The following PTPRB variants were observed in gnomAD, a reference collection of about 807,000 sequenced individuals.
PTPRB encodes receptor-type tyrosine-protein phosphatase beta.
PTPRB carries 97 observed loss-of-function variants against 238.1 expected under a neutral mutation model. That is an observed-to-expected ratio of 0.41 (90% confidence interval 0.35 to 0.48). PTPRB has a LOEUF of 0.48. Ranked by LOEUF, PTPRB falls within the 20% of genes least tolerant of loss-of-function variation. The pLI is 0.30. For missense variants in PTPRB, 2,292 were observed against 2,681.9 expected, an observed-to-expected ratio of 0.85 and a Z score of 3.21; for synonymous variants, 970 against 995.4, an observed-to-expected ratio of 0.97 and a Z score of 0.48.
At chr12:70,633,025 G>A (rs1260341557) in intron 2 of PTPRB, among the ~76,000 whole-genome samples, 1 of 152,148 alleles carries the variant, frequency 6.6e-6, no homozygotes, top group Non-Finnish European at 1.5e-5. Flanking sequence ...AAACAAATAT[G>A]AAACATGTGG....
In PTPRB at chr12:70,559,572, C is replaced by G. The variant is rs1007818954; in HGVS notation, c.4485G>C (p.Leu1495Phe). 8 of 1,613,068 alleles carry G rather than the reference C, an allele frequency of 5.0e-6. No individual in the cohort carries two copies. The highest frequency in any genetic ancestry group is 1.3e-5 in the African/African-American group (1 of 74,864). The change falls in exon 18 of 34, where the codon TTG becomes TTC. Residue 1495 changes from leucine to phenylalanine, a missense_variant. By Grantham distance (22) the Leu-to-Phe change is conservative. Coordinates refer to ENST00000334414, the MANE Select transcript of PTPRB (RefSeq NM_001109754.4). ...MSFADIANTS[L>F]AITWKGPPDW... is the part of the protein sequence containing the mutation. ...CTGGGGGCCCTTTCCACGTGATGGC[C>G]AAGGATGTGTTTGCAATGTCAGCAA...
At chr12:70,606,705 C>T (rs555790499) in intron 4 of PTPRB, among the ~76,000 whole-genome samples, 1 of 152,302 alleles carries the variant, frequency 6.6e-6, no homozygotes, top group East Asian at 1.9e-4. Context: ...CAGCAATTAA[C>T]ATAGGGGAAT....
chr12:70,538,991 G>C lies in PTPRB; in HGVS notation c.5802C>G (p.Asn1934Lys), dbSNP rs758656184. ...GCAAGAGTGCAATGTCACATGACTG[G>C]TTTCGGCCCACGTCTTTTAACTCCT... ...EYEELKDVGR[N>K]QSCDIALLPE... Residue 1934 changes from asparagine (N) to lysine (K), a missense_variant, in exon 27 of 34, where the codon AAC (asparagine) becomes AAG (lysine). Around this residue, in one of 4 missense-constraint regions of PTPRB, gnomAD observed 397 missense variants for 502.0 expected, o/e 0.79. Coordinates refer to ENST00000334414, the MANE Select transcript of PTPRB (RefSeq NM_001109754.4). 1 of 1,613,758 alleles carries C rather than the reference G, an allele frequency of 6.2e-7. No homozygotes were observed. Among genetic ancestry groups the C allele is most frequent in the Non-Finnish European group, 8.5e-7 (1 of 1,179,790 alleles).
chr12:70,632,738 G>A (rs1885511800), intron 2 of PTPRB, among the ~76,000 whole-genome samples: 1 of 152,062 alleles, frequency 6.6e-6, no homozygotes, highest in African/African-American at 2.4e-5. Context: ...TTAATGATTT[G>A]CAACCTTGGC....
In PTPRB at chr12:70,524,546, C is replaced by T. The variant is rs768962640; in HGVS notation, c.6550G>A (p.Ala2184Thr). The stretch of plus-strand genomic sequence containing the variant: ...TCTTGTTCACTCCGTAGCTTTCTTG[C>T]TCTGAGGACATCTCTTACACACTGA... ...LHQCVRDVLRARKLRSEQENP... is the reference protein window; with the variant it reads ...LHQCVRDVLRTRKLRSEQENP... The change falls in exon 33 of 34, where the codon GCA becomes ACA. Residue 2184 changes from alanine (A) to threonine (T), a missense_variant. By Grantham distance (58) the Ala-to-Thr change is moderately conservative (BLOSUM62 0). This residue lies in a region of PTPRB where 397 missense variants were observed against 502.0 expected (regional missense o/e 0.79). Coordinates refer to ENST00000334414, the MANE Select transcript of PTPRB (RefSeq NM_001109754.4). The T allele has an allele frequency of 6.8e-6, 11 of 1,613,084 alleles. No homozygotes were observed. The highest frequency in any genetic ancestry group is 9.3e-6 in the Non-Finnish European group (11 of 1,179,176).
intron 18 of PTPRB, chr12:70,558,897 C>G: frequency 5.1e-6 from 1 of 197,166 alleles, no homozygotes. Context: ...CTTGTACTCT[C>G]CCTCCTCTCT....
intron 11 of PTPRB, 29 bp from the exon 12 acceptor site, chr12:70,572,116 A>G: frequency 1.3e-6 from 2 of 1,568,446 alleles, no homozygotes; most frequent in Middle Eastern, 1.7e-4. Context: ...GTAACTAAAT[A>G]TTTATGAATT....
intron 12 of PTPRB, 181 bp from the exon 13 acceptor site, chr12:70,571,470 T>A (rs919127849): frequency 3.1e-6 from 2 of 653,812 alleles, no homozygotes; most frequent in Non-Finnish European, 5.1e-6. Flanking sequence ...TTGTGGTTTT[T>A]TCCTGACATA....
At chr12:70,528,968 G>T (rs114492141) in intron 32 of PTPRB, among the ~76,000 whole-genome samples, 1,547 of 151,992 alleles carry the variant, frequency 0.01, 31 homozygotes, top group African/African-American at 0.036. Flanking sequence ...AAGGCTTTTG[G>T]GGGGATCCAT....
intron 22 of PTPRB, 66 bp downstream of exon 22, chr12:70,544,491 T>A (rs1875660586): frequency 9.1e-7 from 1 of 1,093,856 alleles, no homozygotes; most frequent in Non-Finnish European, 1.4e-6. Context: ...AGCCAATATC[T>A]CCCCATTAGA....
intron 4 of PTPRB, among the ~76,000 whole-genome samples, chr12:70,607,331 C>T (rs528153481): frequency 1.1e-4 from 16 of 152,276 alleles, no homozygotes; most frequent in African/African-American, 3.4e-4. Context: ...GGCCAGATGC[C>T]TTTCTAAACA....
rs1007195908 is a variant in PTPRB, at chr12:70,515,953, A to G, written c.*5536T>C. On this transcript the variant is annotated 3_prime_UTR_variant, in exon 34 of 34. Transcript: ENST00000334414. ...GATTTTTTTTTTACCACAGTTACAA[A>G]TATAAAAATGTATTAAGCAAATACA... 1.3e-5 allele frequency: 2 copies of G among 152,184 alleles called. No individual in the cohort carries two copies. Among genetic ancestry groups the G allele is most frequent in the African/African-American group, 4.8e-5 (2 of 41,444 alleles). The allele number at this position is 152,184 out of a possible 1,614,324, so 9.4% of individuals were successfully genotyped here.
chr12:70,548,392 A>T (rs1876398555), intron 21 of PTPRB, among the ~76,000 whole-genome samples: 1 of 148,230 alleles, frequency 6.7e-6, no homozygotes. Context: ...ACACGCCATG[A>T]CTTTTGTAGG....
At chr12:70,548,344 T>TCA (rs1265270021) in intron 21 of PTPRB, among the ~76,000 whole-genome samples, 4 of 20,466 alleles carry the variant, frequency 2.0e-4, no homozygotes, top group African/African-American at 4.5e-4. Flanking sequence ...TCTCTCTCTC[T>TCA]CTCACACACA....
intron 15 of PTPRB, among the ~76,000 whole-genome samples, chr12:70,565,353 T>C (rs1300345951): frequency 3.9e-5 from 6 of 152,208 alleles, no homozygotes; most frequent in Admixed American, 3.3e-4. Context: ...GCAACACACA[T>C]TTCAGCCACC....
At position 70,532,363 on chromosome 12, in the gene PTPRB, C is replaced by T. The variant is rs918596750; in HGVS notation, c.6369-193G>A. On this transcript the variant is annotated intron_variant, in intron 31 of 33. Coordinates refer to ENST00000334414, the MANE Select transcript of PTPRB (RefSeq NM_001109754.4). Reference sequence around the variant, plus strand: ...CCCCACAGCCTTCTATCTCTTTCCACTCCCTTCCTGTCCCTCCTCCACTCT... The same window carrying T: ...CCCCACAGCCTTCTATCTCTTTCCATTCCCTTCCTGTCCCTCCTCCACTCT... Among the ~76,000 whole-genome samples the T allele has an allele frequency of 4.6e-4, 67 of 145,920 alleles. 1 individual carries two copies. Among genetic ancestry groups the T allele is most frequent in the Admixed American group, 4.6e-3 (67 of 14,608 alleles).
intron 13 of PTPRB, 173 bp downstream of exon 13, chr12:70,570,853 T>G (rs1481791547): frequency 1.3e-6 from 1 of 744,750 alleles, no homozygotes; most frequent in African/African-American, 1.8e-5. Flanking sequence ...GACATCATAC[T>G]TTATTTTCAT....
chr12:70,630,366 C>T (rs1885393204), intron 2 of PTPRB, among the ~76,000 whole-genome samples: 1 of 152,190 alleles, frequency 6.6e-6, no homozygotes, highest in African/African-American at 2.4e-5. Context: ...CAAAATCCAA[C>T]AGCCCTTCAC....
chr12:70,535,224 GTTTTTTTTTTTTT>G (rs71457059), intron 29 of PTPRB, among the ~76,000 whole-genome samples: 7 of 81,984 alleles, frequency 8.5e-5, no homozygotes, highest in African/African-American at 2.5e-4. Flanking sequence ...TATGGCTTGA[GTTTTTTTTTTTTT>G]TTTTTTTTTT....
Sources: allele counts gnomAD v4.1 joint callset (sites outside exome capture counted in the v4.1 genomes callset), GRCh38; gene constraint gnomAD v4.1.1; regional missense constraint gnomAD v4.1.1; transcripts MANE v1.5; gene names NCBI Gene and HGNC (gene_info 2026-07-23, HGNC 2026-07-21).